MIS18A: variants seen among roughly 807,000 people sequenced by gnomAD.
MIS18A encodes protein Mis18-alpha.
A neutral mutation model predicts 25.0 loss-of-function variants in MIS18A; 14 were observed. The ratio of observed to expected loss-of-function variants is 0.56; its 90% CI spans 0.37 to 0.88. The LOEUF (loss-of-function observed/expected upper bound fraction) is 0.88. MIS18A is among the 40% of genes least tolerant of loss of function. The probability of loss-of-function intolerance (pLI) is 0.00; values close to 1 mark genes in which losing one functional copy is unlikely to be tolerated. For synonymous variants in MIS18A, 134 were observed against 118.6 expected, an observed-to-expected ratio of 1.13 and a Z score of -0.84; for missense variants, 292 against 290.8, an observed-to-expected ratio of 1.00 and a Z score of -0.03.
rs144861294 is a variant in MIS18A, at chr21:32,278,971, C to G, written c.44G>C (p.Gly15Ala). Residue 15 changes from glycine (G) to alanine (A), a missense_variant, in exon 1 of 5, where the codon GGC becomes GCC. Transcript: ENST00000290130. ...RSLRCSRGCA[G>A]GCECGDKGKC... ...GCCCTTGTCGCCGCACTCACAGCCG[C>G]CAGCGCATCCTCTGCTACACCTCAG... is the stretch of plus-strand genomic sequence containing the variant. 5.6e-6 allele frequency: 9 copies of G among 1,611,632 alleles called. No homozygotes were observed. The highest frequency in any genetic ancestry group is 7.6e-6 in the Non-Finnish European group (9 of 1,179,956).
chr21:32,231,165 A>C, the MIS18A span, among the ~76,000 whole-genome samples: 1 of 150,466 alleles, frequency 6.6e-6, no homozygotes, highest in Non-Finnish European at 1.5e-5. Context: ...GAACCTGGGA[A>C]GTAGAGGTTG....
the MIS18A span, among the ~76,000 whole-genome samples, chr21:32,220,120 G>C: frequency 4.6e-5 from 7 of 152,348 alleles, no homozygotes; most frequent in African/African-American, 1.7e-4. Flanking sequence ...CAGCACTTCA[G>C]CTCTGCTAAG....
At chr21:32,175,347 C>T in the MIS18A span, among the ~76,000 whole-genome samples, 13 of 152,178 alleles carry the variant, frequency 8.5e-5, no homozygotes, top group African/African-American at 1.7e-4. Flanking sequence ...CATTCTTGTA[C>T]GCTACTGTAG....
the MIS18A span, among the ~76,000 whole-genome samples, chr21:32,247,374 T>C: frequency 6.6e-6 from 1 of 152,172 alleles, no homozygotes. Flanking sequence ...GCTAGTGCTT[T>C]GCAGAGAGAA....
chr21:32,203,844 C>A, the MIS18A span, among the ~76,000 whole-genome samples: 1 of 151,954 alleles, frequency 6.6e-6, no homozygotes, highest in Non-Finnish European at 1.5e-5. Flanking sequence ...GTCTTGGACT[C>A]CTGGGCTCAA....
intron 2 of MIS18A, 190 bp from the exon 3 acceptor site, chr21:32,270,719 C>T: frequency 2.1e-6 from 1 of 477,662 alleles, no homozygotes; most frequent in Non-Finnish European, 3.3e-6. Context: ...AGCCACGATG[C>T]CTTAAGTATC....
At chr21:32,174,187 T>C in the MIS18A span, among the ~76,000 whole-genome samples, 2 of 151,750 alleles carry the variant, frequency 1.3e-5, no homozygotes, top group South Asian at 4.2e-4. Flanking sequence ...CTCATCTCGA[T>C]CTCCTGACCT....
chr21:32,231,237 A>G, the MIS18A span, among the ~76,000 whole-genome samples: 527 of 141,992 alleles, frequency 3.7e-3, 4 homozygotes, highest in Middle Eastern at 0.011. Context: ...CCCTGTCTCG[A>G]AAAAAAAAAA....
intron 3 of MIS18A, among the ~76,000 whole-genome samples, chr21:32,270,082 A>G (rs2031684737): frequency 6.6e-6 from 1 of 152,230 alleles, no homozygotes; most frequent in African/African-American, 2.4e-5. Context: ...TCTTAAAAAA[A>G]TAAGTTTTAA....
At chr21:32,217,159 T>C in the MIS18A span, among the ~76,000 whole-genome samples, 1 of 152,030 alleles carries the variant, frequency 6.6e-6, no homozygotes, top group Non-Finnish European at 1.5e-5. Flanking sequence ...AAGGAAAAAC[T>C]AGATATTAGA....
At chr21:32,230,015 TC>T in the MIS18A span, among the ~76,000 whole-genome samples, 1 of 152,214 alleles carries the variant, frequency 6.6e-6, no homozygotes, top group Non-Finnish European at 1.5e-5. Context: ...CCATTGATTC[TC>T]CAGTCTATCT....
At chr21:32,235,484 T>C in the MIS18A span, among the ~76,000 whole-genome samples, 1 of 152,160 alleles carries the variant, frequency 6.6e-6, no homozygotes, top group African/African-American at 2.4e-5. Flanking sequence ...AATCCTTGCC[T>C]GAGGTTCTGC....
chr21:32,228,757 T>C, the MIS18A span, among the ~76,000 whole-genome samples: 4 of 152,130 alleles, frequency 2.6e-5, no homozygotes, highest in Non-Finnish European at 4.4e-5. Flanking sequence ...AGCAATTCCA[T>C]TTATAATCAA....
At chr21:32,277,588 G>C (rs1439891765) in intron 1 of MIS18A, among the ~76,000 whole-genome samples, 1 of 152,230 alleles carries the variant, frequency 6.6e-6, no homozygotes, top group African/African-American at 2.4e-5. Context: ...GAGTGGCTAG[G>C]ATTACAGGCG....
chr21:32,210,513 G>A, the MIS18A span, among the ~76,000 whole-genome samples: 1 of 152,174 alleles, frequency 6.6e-6, no homozygotes, highest in South Asian at 2.1e-4. Context: ...CAGGCTGACG[G>A]TGTGCATCAG....
At chr21:32,188,585 A>G in the MIS18A span, among the ~76,000 whole-genome samples, 2 of 152,314 alleles carry the variant, frequency 1.3e-5, no homozygotes, top group South Asian at 4.2e-4. Context: ...CCCTTAGTGA[A>G]TATTTGTTGG....
the MIS18A span, among the ~76,000 whole-genome samples, chr21:32,233,858 A>C: frequency 1.3e-5 from 2 of 152,154 alleles, no homozygotes; most frequent in East Asian, 3.9e-4. Context: ...AGCCAAAATT[A>C]AAGGGGAACA....
the MIS18A span, among the ~76,000 whole-genome samples, chr21:32,242,823 G>C: frequency 3.9e-5 from 6 of 152,126 alleles, no homozygotes; most frequent in African/African-American, 1.2e-4. Context: ...GGGCCATGTC[G>C]AACTGGTAAT....
At chr21:32,273,563 T>C (rs1377307118) in intron 2 of MIS18A, among the ~76,000 whole-genome samples, 9 of 152,186 alleles carry the variant, frequency 5.9e-5, no homozygotes, top group Non-Finnish European at 1.3e-4. Context: ...GATACCCTTA[T>C]CACCCCATCA....
Sources: allele counts gnomAD v4.1 joint callset (sites outside exome capture counted in the v4.1 genomes callset), GRCh38; gene constraint gnomAD v4.1.1; transcripts MANE v1.5; gene names NCBI Gene and HGNC (gene_info 2026-07-23, HGNC 2026-07-21).